The following KLHL1 variants were observed in gnomAD, a reference collection of about 807,000 sequenced individuals.
KLHL1 encodes kelch-like protein 1.
A neutral mutation model predicts 77.7 loss-of-function variants in KLHL1; 47 were observed. That is an observed-to-expected ratio of 0.60 (90% CI 0.48 to 0.77). KLHL1 has a LOEUF of 0.77. Ranked by LOEUF, KLHL1 falls within the 30% of genes least tolerant of loss-of-function variation. The pLI is 0.00. For missense variants in KLHL1, 925 were observed against 910.8 expected (o/e 1.02, Z -0.20); for synonymous variants, 360 against 325.2 (o/e 1.11, Z -1.15).
intron 5 of KLHL1, among the ~76,000 whole-genome samples, chr13:69,842,725 T>C (rs1879314834): frequency 6.6e-6 from 1 of 151,822 alleles, no homozygotes; most frequent in South Asian, 2.1e-4. Flanking sequence ...TATCAAAGGA[T>C]ACTTGCATTC....
At chr13:69,980,826 A>G (rs979738149) in intron 1 of KLHL1, among the ~76,000 whole-genome samples, 4 of 152,180 alleles carry the variant, frequency 2.6e-5, no homozygotes, top group Non-Finnish European at 5.9e-5. Flanking sequence ...GTTTAAATAC[A>G]TCTCTGCCAT....
At chr13:69,851,469 A>C (rs1879687463) in intron 5 of KLHL1, among the ~76,000 whole-genome samples, 1 of 151,746 alleles carries the variant, frequency 6.6e-6, no homozygotes, top group Admixed American at 6.6e-5. Flanking sequence ...AGAAACACTT[A>C]CTTGATCTGT....
chr13:69,807,734 G>A (rs771199597), intron 6 of KLHL1, among the ~76,000 whole-genome samples: 1 of 152,178 alleles, frequency 6.6e-6, no homozygotes, highest in Admixed American at 6.5e-5. Flanking sequence ...AGTGGTGTGT[G>A]TGGAGAGTGC....
At chr13:70,057,840 T>C (rs1217762847) in intron 1 of KLHL1, among the ~76,000 whole-genome samples, 1 of 134,436 alleles carries the variant, frequency 7.4e-6, no homozygotes, top group Non-Finnish European at 1.6e-5. Context: ...AAAAGGCCAA[T>C]ATCTCTGATG....
chr13:69,719,522 T>G lies in KLHL1; in HGVS notation c.1862A>C (p.Asp621Ala). The change falls in exon 9 of 11, where the codon GAT becomes GCT. Residue 621 changes from aspartate to alanine, a missense_variant. Physicochemically the swap from Asp to Ala is moderately radical, Grantham distance 126. Coordinates refer to ENST00000377844, the MANE Select transcript of KLHL1 (RefSeq NM_020866.3). Reference protein sequence around the residue: ...SSCLSSMEYYDPHTNKWNMCA... With the variant: ...SSCLSSMEYYAPHTNKWNMCA... ...CATGTTCCACTTATTTGTATGAGGA[T>G]CATAATATTCCATTGAACTCAAACA... 1 of 1,613,418 alleles carries G rather than the reference T, an allele frequency of 6.2e-7. No homozygotes were observed. The highest frequency in any genetic ancestry group is 8.5e-7 in the Non-Finnish European group (1 of 1,179,648).
chr13:69,900,098 G>T (rs947943945), intron 4 of KLHL1, among the ~76,000 whole-genome samples: 2 of 152,082 alleles, frequency 1.3e-5, no homozygotes, highest in African/African-American at 4.8e-5. Flanking sequence ...TTGGAGCGGG[G>T]CAGACATTTA....
chr13:70,088,835 C>T (rs1887607560), intron 1 of KLHL1, among the ~76,000 whole-genome samples: 1 of 150,738 alleles, frequency 6.6e-6, no homozygotes, highest in African/African-American at 2.5e-5. Context: ...ACATTTTTCC[C>T]TTAAAACTCA....
At chr13:69,778,756 C>A (rs1464783808) in intron 7 of KLHL1, among the ~76,000 whole-genome samples, 1 of 145,094 alleles carries the variant, frequency 6.9e-6, no homozygotes, top group Non-Finnish European at 1.5e-5. Flanking sequence ...GTGTTTATAT[C>A]TACTGTATAT....
chr13:70,015,096 A>C (rs2472280), intron 1 of KLHL1, among the ~76,000 whole-genome samples: 81,777 of 151,912 alleles, frequency 0.54, 22,233 homozygotes, highest in Non-Finnish European at 0.57. Flanking sequence ...TAGATTATGT[A>C]CAAACACACA....
chr13:69,957,874 C>T (rs1466576162), intron 3 of KLHL1, among the ~76,000 whole-genome samples: 1 of 151,722 alleles, frequency 6.6e-6, no homozygotes, highest in African/African-American at 2.4e-5. Context: ...AGAAAAATGA[C>T]ATGAACTTCA....
At chr13:70,042,031 C>G (rs1886389904) in intron 1 of KLHL1, among the ~76,000 whole-genome samples, 1 of 152,112 alleles carries the variant, frequency 6.6e-6, no homozygotes, top group Admixed American at 6.6e-5. Context: ...TCTTGTTAGA[C>G]TTTCTCATTT....
rs1197300551 is a variant in KLHL1 at position 69,921,921 on chromosome 13, ATTTTT to A, written c.1014+18114_1014+18118del. Among the ~76,000 whole-genome samples, 21 of 122,632 alleles carry A rather than the reference ATTTTT, an allele frequency of 1.7e-4. No homozygotes were observed. In the East Asian group the frequency reaches 4.3e-3, roughly 25 times the overall value. The allele number at this position is 122,632 out of a possible 152,430, so 80.5% of individuals were successfully genotyped here. ...GTTATAGATTTTTGTTGAATGATTG[ATTTTT>A]TTTTTTTTTTTTTTTTTAAAGAGAG... On this transcript the variant is annotated intron_variant, in intron 4 of 10. Transcript: ENST00000377844.
intron 5 of KLHL1, among the ~76,000 whole-genome samples, chr13:69,850,276 C>A (rs1382322877): frequency 6.6e-6 from 1 of 151,494 alleles, no homozygotes; most frequent in Admixed American, 6.6e-5. Context: ...ATTACCTGCA[C>A]TTCACTTTTA....
chr13:69,900,846 T>A (rs1881829079), intron 4 of KLHL1, among the ~76,000 whole-genome samples: 1 of 152,220 alleles, frequency 6.6e-6, no homozygotes, highest in Non-Finnish European at 1.5e-5. Context: ...CTCCATTTTC[T>A]TGTTAATTTG....
At position 69,834,097 on chromosome 13, in the gene KLHL1, A is replaced by G. The variant is rs1048637909; in HGVS notation, c.1414+4879T>C. ...GGGGACTTGAGGGGAGGGATGAAAG[A>G]GTGGAGGTTGAGGGACAAAAGACTA... On this transcript the variant is annotated intron_variant, in intron 6 of 10. Transcript: ENST00000377844. 6.4e-4 allele frequency among the ~76,000 whole-genome samples: 98 copies of G among 151,996 alleles called. 1 individual carries two copies. The highest frequency in any genetic ancestry group is 1.1e-3 in the Non-Finnish European group (74 of 67,952).
chr13:70,046,284 T>C (rs1886493632), intron 1 of KLHL1, among the ~76,000 whole-genome samples: 1 of 152,144 alleles, frequency 6.6e-6, no homozygotes, highest in Admixed American at 6.5e-5. Context: ...GTGGCCAATT[T>C]TGGGATGGCA....
intron 6 of KLHL1, among the ~76,000 whole-genome samples, chr13:69,804,687 C>A (rs1329446074): frequency 6.6e-6 from 1 of 151,998 alleles, no homozygotes; most frequent in Non-Finnish European, 1.5e-5. Flanking sequence ...AAGAATGCAT[C>A]GACTTAAATA....
intron 6 of KLHL1, among the ~76,000 whole-genome samples, chr13:69,808,090 C>T (rs1400518099): frequency 1.3e-5 from 2 of 152,032 alleles, no homozygotes; most frequent in Non-Finnish European, 2.9e-5. Context: ...AAGGCAACAC[C>T]ACTGAAGCCC....
chr13:70,066,818 T>G (rs528531457), intron 1 of KLHL1, among the ~76,000 whole-genome samples: 1 of 152,212 alleles, frequency 6.6e-6, no homozygotes, highest in African/African-American at 2.4e-5. Context: ...GTTTTACCTT[T>G]GATGAAAGTG....
Sources: allele counts gnomAD v4.1 joint callset (sites outside exome capture counted in the v4.1 genomes callset), GRCh38; gene constraint gnomAD v4.1.1; transcripts MANE v1.5; gene names NCBI Gene and HGNC (gene_info 2026-07-23, HGNC 2026-07-21).